HMCES: variants seen among roughly 807,000 people sequenced by gnomAD.
The protein encoded by HMCES is 5-hydroxymethylcytosine binding, ES cell specific, also known as abasic site processing protein HMCES.
HMCES carries 27 observed loss-of-function variants against 35.1 expected under a neutral mutation model. The ratio of observed to expected loss-of-function variants is 0.77; its 90% CI spans 0.57 to 1.06. HMCES has a LOEUF of 1.06. Ranked by LOEUF, HMCES falls within the 50% of genes least tolerant of loss-of-function variation. The pLI is 0.00. For missense variants in HMCES, 391 were observed against 430.4 expected, an observed-to-expected ratio of 0.91 and a Z score of 0.81; for synonymous variants, 130 against 154.7, an observed-to-expected ratio of 0.84 and a Z score of 1.18.
intron 2 of HMCES, among the ~76,000 whole-genome samples, chr3:129,288,440 A>G (rs1940698351): frequency 6.6e-6 from 1 of 152,100 alleles, no homozygotes; most frequent in Non-Finnish European, 1.5e-5. Context: ...CACACCCACA[A>G]TCCCAACACT....
At chr3:129,285,437 A>T (rs867593224) in intron 2 of HMCES, among the ~76,000 whole-genome samples, 1 of 152,048 alleles carries the variant, frequency 6.6e-6, no homozygotes, top group Non-Finnish European at 1.5e-5. Context: ...GTCCAACCTC[A>T]TAAGTAGCAG....
chr3:129,286,054 A>G (rs1169761149), intron 2 of HMCES, among the ~76,000 whole-genome samples: 2 of 152,184 alleles, frequency 1.3e-5, no homozygotes, highest in African/African-American at 4.8e-5. Flanking sequence ...TTGAACCAGG[A>G]TCTCCTTACA....
intron 5 of HMCES, among the ~76,000 whole-genome samples, chr3:129,301,704 C>T (rs140519391): frequency 6.6e-6 from 1 of 152,316 alleles, no homozygotes; most frequent in East Asian, 1.9e-4. Context: ...CTGGAGTACA[C>T]TAGACCAGTT....
At chr3:129,288,012 G>A (rs934275831) in intron 2 of HMCES, among the ~76,000 whole-genome samples, 2 of 152,156 alleles carry the variant, frequency 1.3e-5, no homozygotes, top group African/African-American at 4.8e-5. Flanking sequence ...AGCCAAGATC[G>A]TGCCACTGCA....
intron 2 of HMCES, among the ~76,000 whole-genome samples, chr3:129,282,789 T>C (rs1940533717): frequency 6.6e-6 from 1 of 152,236 alleles, no homozygotes; most frequent in Non-Finnish European, 1.5e-5. Flanking sequence ...TCCTGTTTCA[T>C]TTATCCACCC....
In HMCES at chr3:129,302,104, C is replaced by G; in HGVS notation, c.790C>G (p.Pro264Ala). Residue 264 changes from proline (P) to alanine (A), a missense_variant, in exon 6 of 7, where the codon CCT becomes GCT. By Grantham distance (27) the Pro-to-Ala change is conservative. Coordinates refer to ENST00000383463, the MANE Select transcript of HMCES (RefSeq NM_020187.3). ...SVVNNSRNNTPECLAPVDLVV... is the reference protein window; with the variant it reads ...SVVNNSRNNTAECLAPVDLVV... ...GGTGAACAACTCGCGAAACAACACT[C>G]CTGAGTGTCTGGCTCCTGTCGACTT... is the stretch of plus-strand genomic sequence containing the variant. 3 of 1,614,100 alleles carry G rather than the reference C, an allele frequency of 1.9e-6. No individual in the cohort carries two copies. Among genetic ancestry groups the G allele is most frequent in the Non-Finnish European group, 2.5e-6 (3 of 1,179,972 alleles).
chr3:129,300,168 A>C (rs1442235801), intron 5 of HMCES, among the ~76,000 whole-genome samples: 3 of 87,428 alleles, frequency 3.4e-5, no homozygotes, highest in African/African-American at 1.1e-4. Flanking sequence ...GTGCATCTTT[A>C]TATATATATA....
chr3:129,299,129 CAG>C (rs2071129792), intron 5 of HMCES, among the ~76,000 whole-genome samples: 1 of 152,188 alleles, frequency 6.6e-6, no homozygotes, highest in Non-Finnish European at 1.5e-5. Flanking sequence ...GCCTGGGTGA[CAG>C]AGTGAGATTC....
At chr3:129,293,276 A>G (rs1007628028) in intron 4 of HMCES, among the ~76,000 whole-genome samples, 1 of 152,072 alleles carries the variant, frequency 6.6e-6, no homozygotes, top group African/African-American at 2.4e-5. Flanking sequence ...ACCCTCAGAT[A>G]ATTCCCTATC....
intron 5 of HMCES, among the ~76,000 whole-genome samples, chr3:129,300,066 A>G (rs138609495): frequency 0.015 from 2,315 of 151,354 alleles, 26 homozygotes; most frequent in Middle Eastern, 0.09. Context: ...TACTATTTCA[A>G]GCTTCTTTTC....
Position 129,302,107 on chromosome 3 carries a change from G to A in HMCES, c.793G>A (p.Glu265Lys), listed in dbSNP as rs776434066. The A allele has an allele frequency of 6.2e-7, 1 of 1,613,994 alleles. No homozygotes were observed. The highest frequency in any genetic ancestry group is 8.5e-7 in the Non-Finnish European group (1 of 1,179,950). ...GAACAACTCGCGAAACAACACTCCT[G>A]AGTGTCTGGCTCCTGTCGACTTGGT... ...VVNNSRNNTP[E>K]CLAPVDLVVK... The change falls in exon 6 of 7, where the codon GAG becomes AAG. Residue 265 changes from glutamate to lysine, a missense_variant. Coordinates refer to ENST00000383463, the MANE Select transcript of HMCES (RefSeq NM_020187.3).
rs2071212409 is a variant in HMCES, at chr3:129,304,608, G to A, written c.848G>A (p.Ser283Asn). Residue 283 changes from serine (S) to asparagine (N), a missense_variant, in exon 7 of 7, where the codon AGT (serine) becomes AAT (asparagine). Ser to Asn is a conservative substitution (Grantham distance 46). Transcript: ENST00000383463. The part of the protein sequence containing the change: ...VVKKELRASG[S>N]SQRMLQWLAT... ...TTGTAGGAGCTCAGGGCAAGTGGCA[G>A]TAGCCAGAGGATGTTGCAGTGGTTG... The A allele has an allele frequency of 4.3e-6, 7 of 1,614,156 alleles. No individual in the cohort carries two copies. Among genetic ancestry groups the A allele is most frequent in the Non-Finnish European group, 5.1e-6 (6 of 1,179,980 alleles).
At chr3:129,280,389 TA>T (rs1370212368) in intron 2 of HMCES, among the ~76,000 whole-genome samples, 1 of 151,522 alleles carries the variant, frequency 6.6e-6, no homozygotes, top group Non-Finnish European at 1.5e-5. Context: ...CTACAAAAAA[TA>T]AAAAAATGAG....
intron 2 of HMCES, among the ~76,000 whole-genome samples, chr3:129,287,296 C>A (rs1332684223): frequency 6.6e-6 from 1 of 151,706 alleles, no homozygotes; most frequent in Non-Finnish European, 1.5e-5. Context: ...AGTCACAGCT[C>A]ACTAGCAGCC....
Position 129,287,971 on chromosome 3 carries a change from C to T in HMCES, c.184-883C>T, listed in dbSNP as rs573495061. On this transcript the variant is annotated intron_variant, in intron 2 of 6. Coordinates refer to ENST00000383463, the MANE Select transcript of HMCES (RefSeq NM_020187.3). ...ACTCGGGAGGCTGAGGTAGGAGAAT[C>T]GCTTAAACCCAGGAGGCAGAGGTTG... Among the ~76,000 whole-genome samples, 145 of 152,234 alleles carry T rather than the reference C, an allele frequency of 9.5e-4. 1 individual carries two copies. In the South Asian group the frequency reaches 9.9e-3, roughly 10 times the overall value.
chr3:129,294,381 C>T (rs1332078189), intron 4 of HMCES, among the ~76,000 whole-genome samples: 1 of 152,086 alleles, frequency 6.6e-6, no homozygotes, highest in Non-Finnish European at 1.5e-5. Flanking sequence ...CAAGATTGCG[C>T]CACTGTGCTC....
At chr3:129,301,802 A>G in intron 5 of HMCES, 148 bp from the exon 6 acceptor site, 1 of 675,510 alleles carries the variant, frequency 1.5e-6, no homozygotes, top group East Asian at 2.5e-5. Flanking sequence ...TGCTCAGGGA[A>G]CACATGGCAG....
At chr3:129,299,800 C>T (rs370945460) in intron 5 of HMCES, among the ~76,000 whole-genome samples, 9 of 151,846 alleles carry the variant, frequency 5.9e-5, no homozygotes, top group African/African-American at 2.2e-4. Flanking sequence ...TACAGGCACA[C>T]GCCGCCACGC....
rs2071121311 is a variant in HMCES, at chr3:129,298,509, C to T, written c.609C>T (p.Cys203=). 6.2e-7 allele frequency: 1 copy of T among 1,613,964 alleles called. No homozygotes were observed. Among genetic ancestry groups the T allele is most frequent in the African/African-American group, 1.3e-5 (1 of 74,922 alleles). ...ATACCATCATCACAGTGGATTCCTG[C>T]AAAGGCTTGAGTGACATCCACCACA... The part of the protein sequence containing the change: ...YSYTIITVDS[C]KGLSDIHHRM... Residue 203 remains cysteine (C), a synonymous_variant, in exon 5 of 7, where the codon TGC becomes TGT. Transcript: ENST00000383463.
Sources: allele counts gnomAD v4.1 joint callset (sites outside exome capture counted in the v4.1 genomes callset), GRCh38; gene constraint gnomAD v4.1.1; transcripts MANE v1.5; gene names NCBI Gene and HGNC (gene_info 2026-07-23, HGNC 2026-07-21).